The following RBMS1 variants were observed in gnomAD, a reference collection of about 807,000 sequenced individuals.
RBMS1 encodes RNA binding motif single stranded interacting protein 1.
A neutral mutation model predicts 62.3 loss-of-function variants in RBMS1; 17 were observed. The ratio of observed to expected loss-of-function variants is 0.27; its 90% CI spans 0.19 to 0.41. RBMS1 has a LOEUF of 0.41. Ranked by LOEUF, RBMS1 falls within the 10% of genes least tolerant of loss-of-function variation. RBMS1 has a pLI of 1.00. For synonymous variants in RBMS1, 172 were observed against 170.0 expected, an observed-to-expected ratio of 1.01 and a Z score of -0.09; for missense variants, 334 against 504.5, an observed-to-expected ratio of 0.66 and a Z score of 3.24.
At chr2:160,460,793 ATG>A (rs759285060) in intron 1 of RBMS1, among the ~76,000 whole-genome samples, 8 of 152,318 alleles carry the variant, frequency 5.3e-5, no homozygotes, top group Non-Finnish European at 8.8e-5. Context: ...AGAAGAAAGG[ATG>A]TGTGTTTTCT....
intron 2 of RBMS1, among the ~76,000 whole-genome samples, chr2:160,342,769 C>CAA (rs550170417): frequency 2.5e-4 from 29 of 117,324 alleles, no homozygotes; most frequent in African/African-American, 9.7e-4. Context: ...ATACAAAATA[C>CAA]AAAAAAAAAA....
intron 2 of RBMS1, among the ~76,000 whole-genome samples, chr2:160,356,658 G>A (rs1692817058): frequency 6.6e-6 from 1 of 152,080 alleles, no homozygotes; most frequent in Non-Finnish European, 1.5e-5. Context: ...ATGTTATGAA[G>A]CAGCAAGAAG....
chr2:160,382,518 T>C (rs756350419), intron 1 of RBMS1, among the ~76,000 whole-genome samples: 3 of 152,212 alleles, frequency 2.0e-5, no homozygotes, highest in Admixed American at 6.5e-5. Flanking sequence ...ATGGGGTATA[T>C]GGGTATCTGT....
At chr2:160,423,195 C>CTTTTCT (rs1039765182) in intron 1 of RBMS1, among the ~76,000 whole-genome samples, 1 of 152,094 alleles carries the variant, frequency 6.6e-6, no homozygotes, top group African/African-American at 2.4e-5. Context: ...TGATTGCTTG[C>CTTTTCT]TTTTCTTTTT....
chr2:160,315,120 TTC>T (rs1232399180), intron 3 of RBMS1, among the ~76,000 whole-genome samples: 3 of 152,236 alleles, frequency 2.0e-5, no homozygotes, highest in African/African-American at 7.2e-5. Context: ...AATATTTGCA[TTC>T]TGTTATCTGT....
chr2:160,292,022 G>A (rs1042308064), intron 6 of RBMS1, among the ~76,000 whole-genome samples: 1 of 152,094 alleles, frequency 6.6e-6, no homozygotes, highest in Non-Finnish European at 1.5e-5. Context: ...TCTCTACCTT[G>A]TTTAATGGTG....
intron 1 of RBMS1, among the ~76,000 whole-genome samples, chr2:160,408,321 C>T (rs1235261219): frequency 6.6e-6 from 1 of 152,118 alleles, no homozygotes; most frequent in East Asian, 1.9e-4. Context: ...CCGCGCCACT[C>T]TTCAAGAAAA....
At chr2:160,436,819 T>C (rs578117338) in intron 1 of RBMS1, among the ~76,000 whole-genome samples, 213 of 152,276 alleles carry the variant, frequency 1.4e-3, no homozygotes, top group African/African-American at 4.7e-3. Flanking sequence ...CGTCCCATTC[T>C]TATTGCCACC....
chr2:160,306,128 CGTGT>C (rs60939006), intron 4 of RBMS1, among the ~76,000 whole-genome samples: 15,192 of 149,644 alleles, frequency 0.1, 1,022 homozygotes, highest in East Asian at 0.26. Flanking sequence ...TTGTTTCTCT[CGTGT>C]GTGTGTGTGT....
chr2:160,467,977 G>A (rs1684763247), intron 1 of RBMS1, among the ~76,000 whole-genome samples: 1 of 152,094 alleles, frequency 6.6e-6, no homozygotes, highest in African/African-American at 2.4e-5. Context: ...ACCTCAAGCA[G>A]GTAATTTAAT....
At chr2:160,457,823 A>C (rs1297485574) in intron 1 of RBMS1, among the ~76,000 whole-genome samples, 1 of 152,026 alleles carries the variant, frequency 6.6e-6, no homozygotes, top group Non-Finnish European at 1.5e-5. Context: ...TTTCTCGGTG[A>C]TTTCCTGGCA....
intron 1 of RBMS1, among the ~76,000 whole-genome samples, chr2:160,376,993 T>C (rs1246015620): frequency 1.3e-5 from 2 of 152,042 alleles, no homozygotes; most frequent in Non-Finnish European, 2.9e-5. Context: ...GTGTCATGTT[T>C]GCGTGTGTGA....
At chr2:160,276,838 C>G (rs1687860670) in intron 12 of RBMS1, among the ~76,000 whole-genome samples, 2 of 152,128 alleles carry the variant, frequency 1.3e-5, no homozygotes, top group Admixed American at 1.3e-4. Flanking sequence ...TTATGAGAGA[C>G]AAGACAGAAC....
intron 1 of RBMS1, among the ~76,000 whole-genome samples, chr2:160,476,380 G>A (rs980384246): frequency 2.0e-5 from 3 of 151,960 alleles, no homozygotes; most frequent in African/African-American, 7.3e-5. Flanking sequence ...TCCTAATCAC[G>A]TATGTATTTG....
intron 9 of RBMS1, chr2:160,283,723 T>C (rs896700850): frequency 6.6e-6 from 1 of 152,186 alleles, no homozygotes; most frequent in Admixed American, 6.5e-5. Flanking sequence ...ATATTAATGA[T>C]AATAATCATA....
rs75328982 is a variant in RBMS1 at position 160,419,883 on chromosome 2, T to C, written c.76-52492A>G. On this transcript the variant is annotated intron_variant, in intron 1 of 13. Transcript: ENST00000348849. ...TAGTACAAAGGTTACAGTAAACCCA[T>C]TGAGAAATGCTGCAAATCTGAGTGA... Among the ~76,000 whole-genome samples the C allele has an allele frequency of 6.2e-3, 939 of 152,338 alleles. 6 individuals carry two copies. The highest frequency in any genetic ancestry group is 0.017 in the Middle Eastern group (5 of 294).
At chr2:160,290,869 C>T (rs1469358316) in intron 6 of RBMS1, among the ~76,000 whole-genome samples, 1 of 152,190 alleles carries the variant, frequency 6.6e-6, no homozygotes, top group Non-Finnish European at 1.5e-5. Flanking sequence ...CTTACACAAG[C>T]TTGATTTTGT....
chr2:160,296,524 G>A (rs954017902), intron 6 of RBMS1, among the ~76,000 whole-genome samples: 8 of 152,146 alleles, frequency 5.3e-5, no homozygotes, highest in African/African-American at 1.2e-4. Flanking sequence ...GTGGAGCTAC[G>A]GCGGAATAAA....
intron 1 of RBMS1, among the ~76,000 whole-genome samples, chr2:160,491,168 C>T (rs1685808421): frequency 6.6e-6 from 1 of 151,914 alleles, no homozygotes; most frequent in African/African-American, 2.4e-5. Flanking sequence ...CATCTAGTCA[C>T]GTGCCATTTT....
Sources: allele counts gnomAD v4.1 joint callset (sites outside exome capture counted in the v4.1 genomes callset), GRCh38; gene constraint gnomAD v4.1.1; transcripts MANE v1.5; gene names NCBI Gene and HGNC (gene_info 2026-07-23, HGNC 2026-07-21).